Variants in TTLL9 observed in about 807,000 individuals in gnomAD.
TTLL9 encodes probable tubulin polyglutamylase TTLL9.
A neutral mutation model predicts 65.6 loss-of-function variants in TTLL9; 47 were observed. That is an observed-to-expected ratio of 0.72 (90% CI 0.57 to 0.91). TTLL9 has a LOEUF of 0.91. TTLL9 is among the 40% of genes least tolerant of loss of function. The probability of loss-of-function intolerance (pLI) is 0.00; values close to 1 mark genes in which losing one functional copy is unlikely to be tolerated. For missense variants in TTLL9, 537 were observed against 568.8 expected, an observed-to-expected ratio of 0.94 and a Z score of 0.57; for synonymous variants, 179 against 204.8, an observed-to-expected ratio of 0.87 and a Z score of 1.07.
At position 31,892,528 on chromosome 20, in the gene TTLL9, A is replaced by G. The variant is rs2063321931; in HGVS notation, c.113+5289A>G. Among the ~76,000 whole-genome samples the G allele has an allele frequency of 2.0e-5, 3 of 152,218 alleles. 1 individual carries two copies. The highest frequency in any genetic ancestry group is 2.0e-4 in the Admixed American group (3 of 15,278). ...ACCAAAATGTACTGAGATGAGTAGT[A>G]GTCGTTTTACATTTTTGTGACTCTC... On this transcript the variant is annotated intron_variant, in intron 3 of 14. Coordinates refer to ENST00000535842, the MANE Select transcript of TTLL9 (RefSeq NM_001008409.5).
intron 4 of TTLL9, among the ~76,000 whole-genome samples, chr20:31,904,271 G>A (rs2063518055): frequency 6.6e-6 from 1 of 151,608 alleles, no homozygotes; most frequent in Admixed American, 6.6e-5. Flanking sequence ...AGTATCTTGT[G>A]GGCAGATAAT....
At chr20:31,919,996 A>C in intron 7 of TTLL9, 64 bp downstream of exon 7, 3 of 1,369,166 alleles carry the variant, frequency 2.2e-6, no homozygotes, top group African/African-American at 1.5e-5. Context: ...AGGAGGGGCC[A>C]CTCCTTCCTG....
chr20:31,886,466 T>C (rs1214644013), intron 2 of TTLL9, among the ~76,000 whole-genome samples: 2 of 152,042 alleles, frequency 1.3e-5, no homozygotes, highest in East Asian at 1.9e-4. Flanking sequence ...TTGCTCTGAG[T>C]CTTTGACCTA....
At chr20:31,873,723 AAAG>A (rs2062980005) in intron 2 of TTLL9, among the ~76,000 whole-genome samples, 1 of 146,734 alleles carries the variant, frequency 6.8e-6, no homozygotes, top group Admixed American at 6.9e-5. Context: ...AGAAAGAAAG[AAAG>A]AAAGAAAGAA....
At chr20:31,894,981 G>C (rs898871058) in intron 3 of TTLL9, among the ~76,000 whole-genome samples, 13 of 152,090 alleles carry the variant, frequency 8.5e-5, no homozygotes, top group Non-Finnish European at 1.5e-4. Context: ...TTTAGAGACA[G>C]TGTCTCACTA....
At chr20:31,912,382 A>G (rs2063668282) in intron 6 of TTLL9, among the ~76,000 whole-genome samples, 1 of 152,116 alleles carries the variant, frequency 6.6e-6, no homozygotes, top group Non-Finnish European at 1.5e-5. Context: ...TGGTCTGTGC[A>G]TACACTTTGA....
At chr20:31,926,743 A>G (rs2063912346) in intron 10 of TTLL9, among the ~76,000 whole-genome samples, 1 of 152,254 alleles carries the variant, frequency 6.6e-6, no homozygotes, top group Admixed American at 6.5e-5. Flanking sequence ...TTTCCAAGAT[A>G]TATTGTTAAT....
At chr20:31,935,417 A>T (rs948701685) in intron 12 of TTLL9, among the ~76,000 whole-genome samples, 9 of 152,152 alleles carry the variant, frequency 5.9e-5, no homozygotes, top group Non-Finnish European at 7.4e-5. Context: ...AGGGAGCTTG[A>T]GGTCATGTAG....
intron 4 of TTLL9, among the ~76,000 whole-genome samples, chr20:31,905,567 G>A (rs986755430): frequency 3.3e-5 from 5 of 152,054 alleles, no homozygotes; most frequent in Non-Finnish European, 7.4e-5. Flanking sequence ...CGTGCTTCAC[G>A]TCACCACATC....
At chr20:31,883,132 A>G (rs1021953415) in intron 2 of TTLL9, among the ~76,000 whole-genome samples, 3 of 152,128 alleles carry the variant, frequency 2.0e-5, no homozygotes, top group Admixed American at 1.3e-4. Flanking sequence ...ACCCTTCAGC[A>G]GTGGGAGACA....
At chr20:31,928,447 T>G (rs2063946887) in intron 10 of TTLL9, among the ~76,000 whole-genome samples, 1 of 151,772 alleles carries the variant, frequency 6.6e-6, no homozygotes, top group Non-Finnish European at 1.5e-5. Flanking sequence ...TACTAACTTT[T>G]AAAATAATTT....
chr20:31,893,291 CTTTTTTTTTTTTTT>C (rs34875132), intron 3 of TTLL9, among the ~76,000 whole-genome samples: 2 of 130,110 alleles, frequency 1.5e-5, no homozygotes, highest in East Asian at 4.4e-4. Context: ...TGTTCTTTTT[CTTTTTTTTTTTTTT>C]TTTGAGACAG....
At chr20:31,893,069 G>A (rs537255570) in intron 3 of TTLL9, among the ~76,000 whole-genome samples, 2 of 151,812 alleles carry the variant, frequency 1.3e-5, no homozygotes, top group East Asian at 3.9e-4. Context: ...TGCAGCCCGA[G>A]GAACGTTCTT....
chr20:31,912,649 CTG>C (rs1427647615), intron 6 of TTLL9, among the ~76,000 whole-genome samples: 23 of 129,058 alleles, frequency 1.8e-4, no homozygotes, highest in African/African-American at 6.2e-4. Flanking sequence ...GTGTGTATGT[CTG>C]TGTGTTTAAG....
rs751721044 is a variant in TTLL9 at position 31,899,770 on chromosome 20, G to GT, written c.206+1217dup. Among the ~76,000 whole-genome samples, 1,089 of 142,336 alleles carry GT rather than the reference G, an allele frequency of 7.7e-3. 5 individuals are homozygous for GT. The highest frequency in any genetic ancestry group is 0.011 in the Non-Finnish European group (705 of 65,616). 93.4% of individuals were successfully genotyped at this position (142,336 alleles called of 152,430 possible). ...GCTACAAGGGAATCTGGAAAATGTT[G>GT]TTTTTTTTTTTTGAGATGGAGTCTT... On this transcript the variant is annotated intron_variant, in intron 4 of 14. Transcript: ENST00000535842.
chr20:31,913,579 T>C (rs931293813), intron 6 of TTLL9, among the ~76,000 whole-genome samples: 1 of 152,140 alleles, frequency 6.6e-6, no homozygotes, highest in African/African-American at 2.4e-5. Context: ...TCCTCTGCAT[T>C]GTTTTCCTGG....
intron 3 of TTLL9, among the ~76,000 whole-genome samples, chr20:31,890,060 CTT>C (rs1568752493): frequency 9.5e-6 from 1 of 105,744 alleles, no homozygotes; most frequent in African/African-American, 4.2e-5. Flanking sequence ...CTTTCTTTCT[CTT>C]TCTTTCTTGC....
chr20:31,914,952 C>T (rs1196857625), intron 6 of TTLL9, among the ~76,000 whole-genome samples: 3 of 152,166 alleles, frequency 2.0e-5, no homozygotes, highest in East Asian at 1.9e-4. Flanking sequence ...ACCACACAAG[C>T]GATTACAAAA....
intron 2 of TTLL9, among the ~76,000 whole-genome samples, chr20:31,880,138 G>A (rs2063095271): frequency 6.6e-6 from 1 of 152,160 alleles, no homozygotes; most frequent in African/African-American, 2.4e-5. Flanking sequence ...TGCTGCGCAA[G>A]TCCCGCGAGC....
Sources: gnomAD v4.1 joint callset for allele counts (sites outside exome capture counted in the v4.1 genomes callset) on GRCh38, gnomAD v4.1.1 for gene constraint, MANE v1.5 for transcripts, NCBI Gene and HGNC (gene_info 2026-07-23, HGNC 2026-07-21) for gene names.